Variants in ACAP1 observed in about 807,000 individuals in gnomAD.
ACAP1 encodes the protein ArfGAP with coiled-coil, ankyrin repeat and PH domains 1, also known as arf-GAP with coiled-coil, ANK repeat and PH domain-containing protein 1.
Under a neutral mutation model 98.8 loss-of-function variants are expected in ACAP1, and 45 were observed. That is an observed-to-expected ratio of 0.46 (90% CI 0.36 to 0.58). The LOEUF (loss-of-function observed/expected upper bound fraction) is 0.58. ACAP1 is among the 20% of genes least tolerant of loss of function. The probability of loss-of-function intolerance (pLI) is 0.00; values close to 1 mark genes in which losing one functional copy is unlikely to be tolerated. For synonymous variants in ACAP1, 362 were observed against 375.3 expected (o/e 0.96, Z 0.41); for missense variants, 735 against 971.4 (o/e 0.76, Z 3.24).
At position 7,349,944 on chromosome 17, in the gene ACAP1, G is replaced by T; in HGVS notation, c.1852-1G>T. Reference sequence around the variant, plus strand: ...CCCCCCTTCTCGACTTCTCCATGCAGAATTCTCTTCTGGCCTGTGAGTTTC... The same window carrying T: ...CCCCCCTTCTCGACTTCTCCATGCATAATTCTCTTCTGGCCTGTGAGTTTC... On this transcript the variant is annotated splice_acceptor_variant, in intron 18 of 21. Coordinates refer to ENST00000158762, the MANE Select transcript of ACAP1 (RefSeq NM_014716.4). LOFTEE classifies it high-confidence loss of function. 6.2e-7 allele frequency: 1 copy of T among 1,602,578 alleles called. No homozygotes were observed. Among genetic ancestry groups the T allele is most frequent in the South Asian group, 1.1e-5 (1 of 90,478 alleles).
intron 21 of ACAP1, 124 bp downstream of exon 21, chr17:7,351,123 G>A (rs2073405489): frequency 1.7e-6 from 2 of 1,166,774 alleles, no homozygotes; most frequent in Non-Finnish European, 2.5e-6. Context: ...TGCGTATTGG[G>A]CGCATGCGAC....
In ACAP1 at chr17:7,351,474, C is replaced by T. The variant is rs2073410069; in HGVS notation, c.*79C>T. The T allele has an allele frequency of 2.7e-6, 3 of 1,117,856 alleles. No individual in the cohort carries two copies. The highest frequency in any genetic ancestry group is 1.3e-6 in the Non-Finnish European group (1 of 772,486). 69.2% of individuals were successfully genotyped at this position (1,117,856 alleles called of 1,614,324 possible). A position where few individuals can be genotyped will look rare whatever the true frequency, so the allele number is the denominator to read the frequency against. ...GCCATTAAAGCCTCCGTGCTTCGCT[C>T]TTCCCTTCTGGTTCACTTCTTGGGC... On this transcript the variant is annotated 3_prime_UTR_variant, in exon 22 of 22. Coordinates refer to ENST00000158762, the MANE Select transcript of ACAP1 (RefSeq NM_014716.4).
In ACAP1 at chr17:7,346,917, CG is replaced by C. The variant is rs771958299; in HGVS notation, c.1121del (p.Gly374ValfsTer11). ...FSQARLDDSP[R>X]GPGQGSGHLA... ...TCAGGCTCGCCTTGATGACAGCCCC[CG>C]GGGTCCAGGCCAGGTACCTTAACCT... is the stretch of plus-strand genomic sequence containing the variant. On this transcript the variant is annotated frameshift_variant, in exon 13 of 22. Transcript: ENST00000158762. LOFTEE classifies it high-confidence loss of function. The C allele has an allele frequency of 6.2e-7, 1 of 1,612,106 alleles. No homozygotes were observed. The highest frequency in any genetic ancestry group is 8.5e-7 in the Non-Finnish European group (1 of 1,178,504).
chr17:7,337,483 G>A, intron 2 of ACAP1, 114 bp downstream of exon 2: 2 of 998,644 alleles, frequency 2.0e-6, no homozygotes, highest in Non-Finnish European at 3.1e-6. Flanking sequence ...ACTGTGTAGG[G>A]GAGATATTTT....
rs1321581321 is a variant in ACAP1, at chr17:7,341,957, C to G, written c.121C>G (p.Leu41Val). ...CCTCCTTCTTTCCCAGCTCCTGAAACTGGGCACTGGTCTCCTGGAAAGTGG... is the reference window on the plus strand; with the variant it reads ...CCTCCTTCTTTCCCAGCTCCTGAAAGTGGGCACTGGTCTCCTGGAAAGTGG... ...LETRLEKLLK[L>V]GTGLLESGRH... The change falls in exon 3 of 22, where the codon CTG becomes GTG. Residue 41 changes from leucine (L) to valine (V), a missense_variant. Leu to Val is a conservative substitution (Grantham distance 32). Transcript: ENST00000158762. 6.2e-7 allele frequency: 1 copy of G among 1,614,164 alleles called. No individual in the cohort carries two copies. Among genetic ancestry groups the G allele is most frequent in the Non-Finnish European group, 8.5e-7 (1 of 1,180,020 alleles).
chr17:7,348,856 T>C, intron 17 of ACAP1, 139 bp from the exon 18 acceptor site: 1 of 786,936 alleles, frequency 1.3e-6, no homozygotes, highest in African/African-American at 1.7e-5. Flanking sequence ...CACACTTGCA[T>C]CACTCTATTC....
intron 10 of ACAP1, chr17:7,345,633 CTTTCT>C (rs1053041808): frequency 7.2e-5 from 11 of 152,032 alleles, no homozygotes; most frequent in African/African-American, 2.7e-4. Context: ...CCCCAAGATT[CTTTCT>C]TTTCTTTTTT....
chr17:7,341,859 G>C, intron 2 of ACAP1, 89 bp from the exon 3 acceptor site: 1 of 1,578,482 alleles, frequency 6.3e-7, no homozygotes, highest in Non-Finnish European at 8.6e-7. Context: ...GCCGCCCTGG[G>C]CAAGGGGAGA....
At position 7,351,379 on chromosome 17, in the gene ACAP1, A is replaced by T; in HGVS notation, c.2207A>T (p.Asp736Val). 6.2e-7 allele frequency: 1 copy of T among 1,611,816 alleles called. No homozygotes were observed. Among genetic ancestry groups the T allele is most frequent in the Non-Finnish European group, 8.5e-7 (1 of 1,179,182 alleles). ...DPEKLSRRSH[D>V]LHTL Reference sequence around the variant, plus strand: ...GAGAAGCTGAGCCGTCGCAGTCATGACCTCCACACGCTGTGACCCGAGGCC... The same window carrying T: ...GAGAAGCTGAGCCGTCGCAGTCATGTCCTCCACACGCTGTGACCCGAGGCC... The change falls in exon 22 of 22, where the codon GAC becomes GTC. Residue 736 changes from aspartate (D) to valine (V), a missense_variant. Asp to Val is a radical substitution (Grantham distance 152). Coordinates refer to ENST00000158762, the MANE Select transcript of ACAP1 (RefSeq NM_014716.4).
intron 1 of ACAP1, 128 bp from the exon 2 acceptor site, chr17:7,337,184 T>TG (rs1042429444): frequency 1.3e-5 from 11 of 838,860 alleles, no homozygotes; most frequent in Admixed American, 1.2e-4. Context: ...AGTAGGTGGG[T>TG]GGGGGGCGAG....
In ACAP1 at chr17:7,336,708, C is replaced by A. The variant is rs376508233; in HGVS notation, c.-27C>A. 22 of 1,613,404 alleles carry A rather than the reference C, an allele frequency of 1.4e-5. No individual in the cohort carries two copies. Among genetic ancestry groups the A allele is most frequent in the Non-Finnish European group, 1.7e-5 (20 of 1,179,626 alleles). On this transcript the variant is annotated 5_prime_UTR_variant, in exon 1 of 22. Transcript: ENST00000158762. ...CCCCAGGGGCCCGGCCTCCAGGGCC[C>A]GCTGGCCCCACAGCAGGCAAGCTGA...
chr17:7,347,922 G>A lies in ACAP1; in HGVS notation c.1344G>A (p.Arg448=), dbSNP rs756396918. The A allele has an allele frequency of 2.4e-5, 39 of 1,614,000 alleles. No homozygotes were observed. In the Admixed American group the frequency reaches 5.7e-4, roughly 23 times the overall value. The change falls in exon 15 of 22, where the codon AGG becomes AGA. Residue 448 remains arginine, a splice_region_variant and synonymous_variant. Transcript: ENST00000158762. ...TLCIQCSGIH[R]SLGVHFSKVR... is the part of the protein sequence containing the mutation. ...TGACCCTCCCCCTCTGGCCCTCCAG[G>A]AGCCTTGGTGTTCACTTCTCCAAAG...
Position 7,348,233 on chromosome 17 carries a change from G to T in ACAP1, c.1508+12G>T. 1 of 1,612,940 alleles carries T rather than the reference G, an allele frequency of 6.2e-7. No homozygotes were observed. Among genetic ancestry groups the T allele is most frequent in the Middle Eastern group, 1.7e-4 (1 of 6,058 alleles). ...CCCAGCTGCTCCCGGTGAGCTTGGG[G>T]TTTAGCCTCCCAGGGGAATGGGGGA... On this transcript the variant is annotated intron_variant, in intron 16 of 21. Transcript: ENST00000158762.
chr17:7,336,851 C>A, intron 1 of ACAP1, 64 bp downstream of exon 1: 1 of 1,562,472 alleles, frequency 6.4e-7, no homozygotes, highest in Non-Finnish European at 8.8e-7. Context: ...CACACACACA[C>A]CTTTCCCCAG....
In ACAP1 at chr17:7,350,315, G is replaced by T; in HGVS notation, c.2072+78G>T. On this transcript the variant is annotated intron_variant, in intron 20 of 21. Coordinates refer to ENST00000158762, the MANE Select transcript of ACAP1 (RefSeq NM_014716.4). The surrounding 1 kb of genome is among the most constrained non-coding windows in gnomAD (Gnocchi z 4.6). ...CCACCCACGTTCGGGCGGGCGGGCG[G>T]GGCTGACGCCGAAACAGAAGCCTGT... is the stretch of plus-strand genomic sequence containing the variant. 3.4e-6 allele frequency: 4 copies of T among 1,160,818 alleles called. No individual in the cohort carries two copies. Among genetic ancestry groups the T allele is most frequent in the Non-Finnish European group, 4.9e-6 (4 of 809,842 alleles). 71.9% of individuals were successfully genotyped at this position (1,160,818 alleles called of 1,614,324 possible). A position where few individuals can be genotyped will look rare whatever the true frequency, so the allele number is the denominator to read the frequency against.
intron 18 of ACAP1, 63 bp downstream of exon 18, chr17:7,349,230 G>A: frequency 6.3e-7 from 1 of 1,575,520 alleles, no homozygotes; most frequent in Admixed American, 1.7e-5. Context: ...CTGACTCTGG[G>A]CCCTGCCCTT....
At chr17:7,349,471 G>A (rs1381942101) in intron 18 of ACAP1, 2 of 305,092 alleles carry the variant, frequency 6.6e-6, no homozygotes, top group Non-Finnish European at 1.2e-5. Flanking sequence ...CGCCTCCCGG[G>A]TTCACACCAT....
chr17:7,340,458 A>G (rs1350150166), intron 2 of ACAP1, among the ~76,000 whole-genome samples: 1 of 152,174 alleles, frequency 6.6e-6, no homozygotes, highest in Non-Finnish European at 1.5e-5. Flanking sequence ...GGTAAGGAAA[A>G]AAACTAGACA....
At chr17:7,347,631 T>C (rs1169267148) in intron 14 of ACAP1, 4 of 548,202 alleles carry the variant, frequency 7.3e-6, no homozygotes, top group Non-Finnish European at 9.8e-6. Context: ...ATGGGAGAGG[T>C]TGTCCAGGCC....
Sources: allele counts gnomAD v4.1 joint callset (sites outside exome capture counted in the v4.1 genomes callset), GRCh38; gene constraint gnomAD v4.1.1; non-coding constraint Gnocchi (gnomAD v3.1); transcripts MANE v1.5; gene names NCBI Gene and HGNC (gene_info 2026-07-23, HGNC 2026-07-21).